FMR1NB: variants seen among roughly 807,000 people sequenced by gnomAD.
FMR1NB encodes FMR1 neighbor.
FMR1NB carries 10 observed loss-of-function variants against 16.8 expected under a neutral mutation model. That is an observed-to-expected ratio of 0.60 (90% confidence interval 0.37 to 1.01). The LOEUF is 1.01. Ranked by LOEUF, FMR1NB falls within the 50% of genes least tolerant of loss-of-function variation. The pLI is 0.01. For missense variants in FMR1NB, 205 were observed against 204.8 expected, an observed-to-expected ratio of 1.00 and a Z score of 0.00; for synonymous variants, 83 against 79.1, an observed-to-expected ratio of 1.05 and a Z score of -0.26.
intron 2 of FMR1NB, among the ~76,000 whole-genome samples, chrX:148,003,906 G>A (rs896693484): frequency 1.4e-4 from 16 of 111,683 alleles, no homozygotes; most frequent in African/African-American, 4.9e-4. Flanking sequence ...TCAAGGAGAA[G>A]CTTCATATAA....
intron 1 of FMR1NB, among the ~76,000 whole-genome samples, chrX:147,997,554 A>G (rs782799157): frequency 1.8e-5 from 2 of 112,287 alleles, no homozygotes; most frequent in Non-Finnish European, 3.8e-5. Context: ...ATGGGCAAAG[A>G]CTTCATGACT....
intron 1 of FMR1NB, among the ~76,000 whole-genome samples, chrX:147,999,184 G>A (rs1195432890): frequency 2.7e-5 from 3 of 111,595 alleles, no homozygotes; most frequent in African/African-American, 9.8e-5. Context: ...TAAGTTGGGG[G>A]ATCAATATTC....
rs370544828 is a variant in FMR1NB, at chrX:148,018,247, G to T, written c.633-6618G>T. On this transcript the variant is annotated intron_variant, in intron 4 of 5. Coordinates refer to ENST00000370467, the MANE Select transcript of FMR1NB (RefSeq NM_152578.3). ...GATTGCCATTCTAACTGGCGTGAGAGGGTATCTCATTGTGGTTTTGATTTG... is the reference window on the plus strand; with the variant it reads ...GATTGCCATTCTAACTGGCGTGAGATGGTATCTCATTGTGGTTTTGATTTG... Among the ~76,000 whole-genome samples the T allele has an allele frequency of 9.0e-4, 101 of 111,782 alleles. No individual in the cohort carries two copies. In the East Asian group the frequency reaches 0.016, roughly 18 times the overall value.
intron 4 of FMR1NB, among the ~76,000 whole-genome samples, chrX:148,019,313 T>C (rs1342174901): frequency 8.9e-6 from 1 of 112,397 alleles, no homozygotes; most frequent in African/African-American, 3.2e-5. Flanking sequence ...CTTGTCTGAG[T>C]TCTATTGAAT....
At position 147,981,449 on chromosome X, in the gene FMR1NB, A is replaced by G. The variant is rs1173319036; in HGVS notation, c.47A>G (p.His16Arg). The change falls in exon 1 of 6, where the codon CAC becomes CGC. Residue 16 changes from histidine to arginine, a missense_variant. Coordinates refer to ENST00000370467, the MANE Select transcript of FMR1NB (RefSeq NM_152578.3). ...RKAKGRNRRS[H>R]RAMRVAHLEL... ...GCGAAGGGGAGGAATAGGAGAAGTC[A>G]CCGTGCCATGCGTGTGGCTCACTTA... 1.7e-6 allele frequency: 2 copies of G among 1,211,564 alleles called. No individual in the cohort carries two copies. The highest frequency in any genetic ancestry group is 2.2e-6 in the Non-Finnish European group (2 of 895,462).
chrX:147,999,071 A>G (rs1557188436), intron 1 of FMR1NB, among the ~76,000 whole-genome samples: 1 of 111,854 alleles, frequency 8.9e-6, no homozygotes, highest in Non-Finnish European at 1.9e-5. Flanking sequence ...TGAAAGATAA[A>G]AACATGATGG....
intron 1 of FMR1NB, among the ~76,000 whole-genome samples, chrX:147,989,523 G>A (rs1275266854): frequency 1.8e-5 from 2 of 112,015 alleles, no homozygotes; most frequent in Non-Finnish European, 3.8e-5. Context: ...AGCAGAGCTC[G>A]AGTGCTGTGC....
intron 1 of FMR1NB, among the ~76,000 whole-genome samples, chrX:147,996,429 G>A (rs1173706973): frequency 1.8e-5 from 2 of 111,014 alleles, no homozygotes; most frequent in Non-Finnish European, 3.8e-5. Flanking sequence ...ACTCAGGTCT[G>A]TTTGAGGCCA....
intron 4 of FMR1NB, among the ~76,000 whole-genome samples, chrX:148,019,239 C>G (rs1198882102): frequency 8.9e-6 from 1 of 112,454 alleles, no homozygotes; most frequent in Non-Finnish European, 1.9e-5. Context: ...TCCAGAATTT[C>G]TGCCTGATTA....
At chrX:148,018,777 G>A (rs1346994400) in intron 4 of FMR1NB, among the ~76,000 whole-genome samples, 5 of 111,562 alleles carry the variant, frequency 4.5e-5, no homozygotes, top group African/African-American at 1.3e-4. Context: ...AGGACTTCAT[G>A]TCTAAAACAC....
chrX:148,021,404 T>C, intron 4 of FMR1NB, among the ~76,000 whole-genome samples: 1 of 108,662 alleles, frequency 9.2e-6, no homozygotes, highest in African/African-American at 3.4e-5. Context: ...GGGCTTTTTT[T>C]TTTTTTTTCC....
chrX:147,997,986 A>G (rs2044551156), intron 1 of FMR1NB, among the ~76,000 whole-genome samples: 2 of 112,598 alleles, frequency 1.8e-5, no homozygotes, highest in South Asian at 7.3e-4. Context: ...AGAAACAGGA[A>G]CGCTTTTACA....
intron 4 of FMR1NB, among the ~76,000 whole-genome samples, chrX:148,015,395 T>G (rs1484450494): frequency 8.9e-6 from 1 of 112,017 alleles, no homozygotes; most frequent in Non-Finnish European, 1.9e-5. Flanking sequence ...TTCTGGTTAT[T>G]TAAGATGTAT....
At chrX:148,018,147 G>A (rs1418866994) in intron 4 of FMR1NB, among the ~76,000 whole-genome samples, 1 of 110,388 alleles carries the variant, frequency 9.1e-6, no homozygotes, top group East Asian at 2.8e-4. Flanking sequence ...CTAGTTTACA[G>A]TCCCACCAAC....
chrX:148,009,860 A>G (rs1453066025), intron 4 of FMR1NB, among the ~76,000 whole-genome samples: 1 of 112,276 alleles, frequency 8.9e-6, no homozygotes, highest in Non-Finnish European at 1.9e-5. Context: ...AAGATCATCG[A>G]AGTGATTGGC....
intron 1 of FMR1NB, 76 bp from the exon 2 acceptor site, chrX:148,003,125 G>T: frequency 9.8e-7 from 1 of 1,016,620 alleles, no homozygotes; most frequent in African/African-American, 1.9e-5. Context: ...TTAAGCAAAG[G>T]TAATTACCAT....
intron 2 of FMR1NB, among the ~76,000 whole-genome samples, chrX:148,005,159 A>T (rs1434095021): frequency 8.9e-6 from 1 of 112,508 alleles, no homozygotes; most frequent in Admixed American, 9.4e-5. Context: ...AAGTGCTGGG[A>T]TTACAGGCAC....
chrX:148,018,578 A>T (rs1162020679), intron 4 of FMR1NB, among the ~76,000 whole-genome samples: 1 of 111,841 alleles, frequency 8.9e-6, no homozygotes, highest in African/African-American at 3.3e-5. Flanking sequence ...TGGGGAAAGC[A>T]TTCCCTATTT....
chrX:147,986,489 C>T (rs1367782716), intron 1 of FMR1NB, among the ~76,000 whole-genome samples: 5 of 111,764 alleles, frequency 4.5e-5, no homozygotes, highest in Non-Finnish European at 9.4e-5. Flanking sequence ...CTTGAGTTTA[C>T]TTTTGCATAA....
Sources: allele counts gnomAD v4.1 joint callset (sites outside exome capture counted in the v4.1 genomes callset), GRCh38; gene constraint gnomAD v4.1.1; transcripts MANE v1.5; gene names NCBI Gene and HGNC (gene_info 2026-07-23, HGNC 2026-07-21).